The following IKZF3 variants were observed in gnomAD, a reference collection of about 807,000 sequenced individuals.
The protein encoded by IKZF3 is zinc finger protein Aiolos.
In IKZF3, 10 loss-of-function variants were observed where a neutral mutation model predicts 49.0. The observed-to-expected ratio is 0.20, with a 90% confidence interval of 0.13 to 0.35. The LOEUF (loss-of-function observed/expected upper bound fraction) is 0.35. Among genes scored for constraint, IKZF3 ranks in the 10% least tolerant of loss-of-function variants. The pLI, the probability that IKZF3 is intolerant of heterozygous loss-of-function variation, is 1.00. For synonymous variants in IKZF3, 209 were observed against 228.2 expected, an observed-to-expected ratio of 0.92 and a Z score of 0.76; for missense variants, 498 against 664.8, an observed-to-expected ratio of 0.75 and a Z score of 2.76.
intron 6 of IKZF3, 67 bp from the exon 7 acceptor site, chr17:39,777,834 A>G: frequency 2.5e-6 from 4 of 1,579,972 alleles, no homozygotes; most frequent in Non-Finnish European, 3.4e-6. Flanking sequence ...AAAAGGAAAT[A>G]AACTGGAAGG....
rs1346680107 is a variant in IKZF3, at chr17:39,759,425, A to T, written c.*6365T>A. 6.6e-6 allele frequency: 1 copy of T among 152,204 alleles called. No individual in the cohort carries two copies. The highest frequency in any genetic ancestry group is 1.9e-4 in the East Asian group (1 of 5,204). The allele number at this position is 152,204 out of a possible 1,614,324, so 9.4% of individuals were successfully genotyped here. A position where few individuals can be genotyped will look rare whatever the true frequency, so the allele number is the denominator to read the frequency against. The stretch of plus-strand genomic sequence containing the variant: ...GGAAACAGAGCGAGACTTTGTCTCA[A>T]AAAGAAAAAAAAAAAGAGGAAACTT... On this transcript the variant is annotated 3_prime_UTR_variant, in exon 8 of 8. Transcript: ENST00000346872.
chr17:39,776,796 C>T lies in IKZF3; in HGVS notation c.826+855G>A, dbSNP rs979700641. Among the ~76,000 whole-genome samples, 4 of 152,176 alleles carry T rather than the reference C, an allele frequency of 2.6e-5. No individual in the cohort carries two copies. The East Asian group carries it at 7.7e-4, about 29-fold the overall frequency. On this transcript the variant is annotated intron_variant, in intron 7 of 7. Coordinates refer to ENST00000346872, the MANE Select transcript of IKZF3 (RefSeq NM_012481.5). The stretch of plus-strand genomic sequence containing the variant: ...CAAAAGGACTGAAATAAAAAATCAA[C>T]AGCGGCAAGCAGCTTTGGAAAAAGA...
At chr17:39,849,489 C>T (rs28842324) in intron 1 of IKZF3, among the ~76,000 whole-genome samples, 14,101 of 151,870 alleles carry the variant, frequency 0.093, 1,340 homozygotes, top group African/African-American at 0.25. Context: ...TGAAACTCCA[C>T]CTCTACTAAA....
chr17:39,778,530 C>T (rs2060648627), intron 6 of IKZF3, among the ~76,000 whole-genome samples: 1 of 152,166 alleles, frequency 6.6e-6, no homozygotes, highest in Admixed American at 6.5e-5. Context: ...GGGCTGGGTG[C>T]GGTGGCTCAT....
In IKZF3 at chr17:39,829,481, T is replaced by A. The variant is rs763279396; in HGVS notation, c.69A>T (p.Ala23=). The change falls in exon 3 of 8, where the codon GCA becomes GCT. Residue 23 remains alanine (A), a synonymous_variant. Coordinates refer to ENST00000346872, the MANE Select transcript of IKZF3 (RefSeq NM_012481.5). The part of the protein sequence containing the change: ...TQEQSVPAES[A]AVLNDYSLTK... ...TTAAACTGTAGTCATTCAAAACCGC[T>A]GCACTTTCTAAAAGATAAAAGGAAT... 4 of 1,611,740 alleles carry A rather than the reference T, an allele frequency of 2.5e-6. No homozygotes were observed. The highest frequency in any genetic ancestry group is 2.2e-5 in the South Asian group (2 of 91,020).
intron 2 of IKZF3, among the ~76,000 whole-genome samples, chr17:39,830,302 T>C (rs1452503714): frequency 1.3e-5 from 2 of 152,256 alleles, no homozygotes; most frequent in Non-Finnish European, 2.9e-5. Flanking sequence ...CCCAAGTTTC[T>C]TTATTTGTTT....
intron 3 of IKZF3, among the ~76,000 whole-genome samples, chr17:39,800,358 A>G (rs2061286707): frequency 1.3e-5 from 2 of 152,174 alleles, no homozygotes; most frequent in Admixed American, 1.3e-4. Context: ...TAATCTATAC[A>G]TGTAATTATA....
intron 1 of IKZF3, among the ~76,000 whole-genome samples, chr17:39,858,806 T>C (rs1297967987): frequency 2.0e-5 from 3 of 151,226 alleles, no homozygotes. Context: ...TTACATTTTT[T>C]GTTGTTGTTG....
chr17:39,828,373 C>T (rs1261008447), intron 3 of IKZF3, among the ~76,000 whole-genome samples: 1 of 152,142 alleles, frequency 6.6e-6, no homozygotes, highest in Non-Finnish European at 1.5e-5. Flanking sequence ...AGTATTGCTG[C>T]CTACGATCTA....
chr17:39,778,190 T>C (rs920009041), intron 6 of IKZF3: 1 of 987,260 alleles, frequency 1.0e-6, no homozygotes, highest in Non-Finnish European at 1.2e-6. Context: ...TGCCCCAGAT[T>C]TACTGCTCTG....
chr17:39,850,977 AT>A (rs1483797547), intron 1 of IKZF3, among the ~76,000 whole-genome samples: 1 of 142,952 alleles, frequency 7.0e-6, no homozygotes, highest in African/African-American at 2.6e-5. Context: ...ACGTGTATAT[AT>A]TATATATGTG....
At chr17:39,803,748 G>C (rs940962934) in intron 3 of IKZF3, among the ~76,000 whole-genome samples, 1 of 152,056 alleles carries the variant, frequency 6.6e-6, no homozygotes, top group African/African-American at 2.4e-5. Flanking sequence ...CTGGACCTCA[G>C]ATGATCCGCC....
At chr17:39,772,698 C>T (rs1182981088) in intron 7 of IKZF3, among the ~76,000 whole-genome samples, 2 of 152,280 alleles carry the variant, frequency 1.3e-5, no homozygotes, top group Admixed American at 6.5e-5. Context: ...CTCTGTGAGA[C>T]ACTGGGAAGT....
intron 3 of IKZF3, among the ~76,000 whole-genome samples, chr17:39,802,706 A>G (rs571046945): frequency 1.2e-3 from 176 of 151,864 alleles, no homozygotes; most frequent in Middle Eastern, 3.4e-3. Context: ...TGTAGTCCCA[A>G]CTACTCAAGA....
At chr17:39,828,360 A>G (rs915515939) in intron 3 of IKZF3, among the ~76,000 whole-genome samples, 8 of 152,190 alleles carry the variant, frequency 5.3e-5, no homozygotes, top group Non-Finnish European at 1.2e-4. Flanking sequence ...TGCTTGCTAG[A>G]CTAGTATTGC....
At chr17:39,825,961 G>T (rs986283130) in intron 3 of IKZF3, among the ~76,000 whole-genome samples, 3 of 152,132 alleles carry the variant, frequency 2.0e-5, no homozygotes, top group African/African-American at 7.2e-5. Context: ...ACTATGTGAG[G>T]AGCTGCTGGA....
At chr17:39,802,379 G>A (rs2061341795) in intron 3 of IKZF3, among the ~76,000 whole-genome samples, 1 of 151,876 alleles carries the variant, frequency 6.6e-6, no homozygotes, top group Admixed American at 6.6e-5. Context: ...GGCAGAGGTG[G>A]GAGGATCGCT....
intron 1 of IKZF3, among the ~76,000 whole-genome samples, chr17:39,850,869 A>G (rs1475102546): frequency 9.4e-6 from 1 of 106,260 alleles, no homozygotes; most frequent in Non-Finnish European, 2.0e-5. Flanking sequence ...TATAGTATAT[A>G]TACATATATA....
intron 3 of IKZF3, among the ~76,000 whole-genome samples, chr17:39,827,876 C>T (rs1235068458): frequency 2.6e-5 from 4 of 152,190 alleles, no homozygotes; most frequent in Non-Finnish European, 5.9e-5. Context: ...TTGGTTTATG[C>T]ATTTGCACAA....
Sources: allele counts gnomAD v4.1 joint callset (sites outside exome capture counted in the v4.1 genomes callset), GRCh38; gene constraint gnomAD v4.1.1; transcripts MANE v1.5; gene names NCBI Gene and HGNC (gene_info 2026-07-23, HGNC 2026-07-21).